ARFGEF2: variants seen among roughly 807,000 people sequenced by gnomAD.
The protein encoded by ARFGEF2 is ARF guanine nucleotide exchange factor 2.
Under a neutral mutation model 219.9 loss-of-function variants are expected in ARFGEF2, and 74 were observed. The ratio of observed to expected loss-of-function variants is 0.34; its 90% CI spans 0.28 to 0.41. ARFGEF2 has a LOEUF of 0.41. Ranked by LOEUF, ARFGEF2 falls within the 10% of genes least tolerant of loss-of-function variation. ARFGEF2 has a pLI of 1.00. For synonymous variants in ARFGEF2, 733 were observed against 799.2 expected, an observed-to-expected ratio of 0.92 and a Z score of 1.40; for missense variants, 1,743 against 2,218.3, an observed-to-expected ratio of 0.79 and a Z score of 4.30.
At chr20:49,028,438 A>G (rs997495233) in intron 36 of ARFGEF2, 92 bp from the exon 37 acceptor site, 1 of 1,390,186 alleles carries the variant, frequency 7.2e-7, no homozygotes, top group Non-Finnish European at 1.0e-6. Flanking sequence ...CAGATGTTTC[A>G]TATTTCATAA....
At chr20:49,022,439 AAAC>A (rs200005157) in intron 34 of ARFGEF2, among the ~76,000 whole-genome samples, 30 of 117,286 alleles carry the variant, frequency 2.6e-4, no homozygotes, top group Admixed American at 4.6e-4. Flanking sequence ...CAAAAAAAAA[AAAC>A]CCACAAGCTT....
At chr20:49,002,964 C>CTTTTT (rs558842301) in intron 25 of ARFGEF2, among the ~76,000 whole-genome samples, 3 of 112,672 alleles carry the variant, frequency 2.7e-5, no homozygotes, top group Non-Finnish European at 3.6e-5. Context: ...ATTTTTTTAA[C>CTTTTT]TTTTTTTTTT....
chr20:48,925,742 T>C (rs1258501311), intron 1 of ARFGEF2, among the ~76,000 whole-genome samples: 2 of 151,646 alleles, frequency 1.3e-5, no homozygotes, highest in African/African-American at 4.9e-5. Context: ...GAGGCTGAGG[T>C]GGGAGGATGA....
chr20:49,008,408 C>T (rs1186511999), intron 26 of ARFGEF2, among the ~76,000 whole-genome samples: 1 of 151,848 alleles, frequency 6.6e-6, no homozygotes, highest in Non-Finnish European at 1.5e-5. Context: ...ACTAAAAATA[C>T]AAAAATTAGC....
intron 1 of ARFGEF2, among the ~76,000 whole-genome samples, chr20:48,927,620 G>A (rs1226056143): frequency 6.6e-6 from 1 of 151,782 alleles, no homozygotes; most frequent in African/African-American, 2.4e-5. Flanking sequence ...CCCGGGAGGT[G>A]GAGGTTGCAG....
Position 49,018,881 on chromosome 20 carries a change from T to C in ARFGEF2, c.4510-3T>C. ...ATTGTGTTTCCCTCTGGTTTACATT[T>C]AGGATGTGGATCTGGACCGCCAGTC... On this transcript the variant is annotated splice_region_variant and splice_polypyrimidine_tract_variant and intron_variant, in intron 33 of 38. Transcript: ENST00000371917. 2.5e-6 allele frequency: 4 copies of C among 1,612,156 alleles called. No homozygotes were observed. The highest frequency in any genetic ancestry group is 2.5e-6 in the Non-Finnish European group (3 of 1,178,308).
intron 30 of ARFGEF2, 73 bp from the exon 31 acceptor site, chr20:49,016,198 ACAGTTTTGC>A: frequency 2.6e-6 from 4 of 1,510,260 alleles, no homozygotes; most frequent in Non-Finnish European, 2.7e-6. Flanking sequence ...GCTTTCTACA[ACAGTTTTGC>A]CAGGAGTGTA....
intron 6 of ARFGEF2, among the ~76,000 whole-genome samples, chr20:48,960,608 C>T (rs917089549): frequency 9.9e-5 from 15 of 151,912 alleles, no homozygotes; most frequent in African/African-American, 1.9e-4. Context: ...CTCAGCCTCC[C>T]GAGTAGCTGG....
At chr20:49,004,091 G>A (rs373369823) in intron 25 of ARFGEF2, among the ~76,000 whole-genome samples, 1 of 152,128 alleles carries the variant, frequency 6.6e-6, no homozygotes, top group East Asian at 1.9e-4. Context: ...TCTGCCGGGC[G>A]TGGTGGCTTA....
Position 48,984,955 on chromosome 20 carries a change from C to T in ARFGEF2, c.2070+115C>T, listed in dbSNP as rs557140315. On this transcript the variant is annotated intron_variant, in intron 15 of 38. Coordinates refer to ENST00000371917, the MANE Select transcript of ARFGEF2 (RefSeq NM_006420.3). The stretch of plus-strand genomic sequence containing the variant: ...AAGTACATTGTCTGTTGTCCACCCC[C>T]GGGTTATACATTGTCTATTGTCCAC... 449 of 1,558,644 alleles carry T rather than the reference C, an allele frequency of 2.9e-4. 5 individuals carry two copies. In the South Asian group the frequency reaches 4.5e-3, roughly 15 times the overall value.
intron 25 of ARFGEF2, chr20:48,999,211 C>T: frequency 2.2e-6 from 1 of 444,542 alleles, no homozygotes; most frequent in Non-Finnish European, 4.5e-6. Flanking sequence ...GCACCCCAGC[C>T]TGGGTAACGG....
At chr20:49,016,205 T>C in intron 30 of ARFGEF2, 75 bp from the exon 31 acceptor site, 1 of 1,543,450 alleles carries the variant, frequency 6.5e-7, no homozygotes, top group Non-Finnish European at 8.9e-7. Context: ...ACAACAGTTT[T>C]GCCAGGAGTG....
intron 33 of ARFGEF2, among the ~76,000 whole-genome samples, chr20:49,018,007 C>T (rs2091541723): frequency 6.6e-6 from 1 of 152,096 alleles, no homozygotes; most frequent in Admixed American, 6.5e-5. Context: ...TGTTTGTTGC[C>T]CTCCTAAATT....
At chr20:49,002,553 G>T (rs1278726185) in intron 25 of ARFGEF2, among the ~76,000 whole-genome samples, 2 of 152,132 alleles carry the variant, frequency 1.3e-5, no homozygotes, top group African/African-American at 4.8e-5. Context: ...TGTCTTCAAG[G>T]TTCATCTGTG....
At chr20:48,924,095 G>A (rs1239962938) in intron 1 of ARFGEF2, among the ~76,000 whole-genome samples, 2 of 152,188 alleles carry the variant, frequency 1.3e-5, no homozygotes, top group Non-Finnish European at 2.9e-5. Context: ...ATAATTGTGT[G>A]TCATTGCTGT....
rs1196505118 is a variant in ARFGEF2 at position 49,036,601 on chromosome 20, T to C, written c.*3402T>C. The C allele has an allele frequency of 1.1e-5, 2 of 182,518 alleles. No individual in the cohort carries two copies. Among genetic ancestry groups the C allele is most frequent in the African/African-American group, 4.7e-5 (2 of 42,804 alleles). 11.3% of individuals were successfully genotyped at this position (182,518 alleles called of 1,614,324 possible). A position where few individuals can be genotyped will look rare whatever the true frequency, so the allele number is the denominator to read the frequency against. ...CAGAATTATATAATATGAAATGCTA[T>C]GTAAAGTTTTCTATGTAAAAATATT... On this transcript the variant is annotated 3_prime_UTR_variant, in exon 39 of 39. Coordinates refer to ENST00000371917, the MANE Select transcript of ARFGEF2 (RefSeq NM_006420.3).
At chr20:48,949,191 GA>G (rs1283516529) in intron 3 of ARFGEF2, among the ~76,000 whole-genome samples, 6 of 152,178 alleles carry the variant, frequency 3.9e-5, no homozygotes, top group Admixed American at 3.9e-4. Context: ...GGAGTCTGGA[GA>G]GGGGAGGATA....
intron 15 of ARFGEF2, 101 bp from the exon 16 acceptor site, chr20:48,985,307 A>G: frequency 8.0e-7 from 1 of 1,246,926 alleles, no homozygotes; most frequent in South Asian, 1.2e-5. Context: ...TATTCTGGGC[A>G]GTTAGGGCCA....
chr20:49,022,441 A>C (rs531379543), intron 34 of ARFGEF2, among the ~76,000 whole-genome samples: 146 of 141,128 alleles, frequency 1.0e-3, no homozygotes, highest in African/African-American at 3.8e-3. Context: ...AAAAAAAAAA[A>C]CCCACAAGCT....
Sources: allele counts gnomAD v4.1 joint callset (sites outside exome capture counted in the v4.1 genomes callset), GRCh38; gene constraint gnomAD v4.1.1; transcripts MANE v1.5; gene names NCBI Gene and HGNC (gene_info 2026-07-23, HGNC 2026-07-21).